KALRN: variants seen among roughly 807,000 people sequenced by gnomAD.
KALRN encodes the protein kalirin RhoGEF kinase, also known as kalirin.
A neutral mutation model predicts 353.7 loss-of-function variants in KALRN; 70 were observed. The observed-to-expected ratio is 0.20, with a 90% CI of 0.16 to 0.24. KALRN has a LOEUF of 0.24. Ranked by LOEUF, KALRN falls within the 10% of genes least tolerant of loss-of-function variation. The pLI, the probability that KALRN is intolerant of heterozygous loss-of-function variation, is 1.00. For synonymous variants in KALRN, 1,391 were observed against 1,434.8 expected (o/e 0.97, Z 0.69); for missense variants, 2,791 against 3,756.7 (o/e 0.74, Z 6.72).
chr3:124,444,821 A>G (rs1648678558), intron 19 of KALRN, among the ~76,000 whole-genome samples: 1 of 151,752 alleles, frequency 6.6e-6, no homozygotes, highest in South Asian at 2.1e-4. Flanking sequence ...AAGAACAAGA[A>G]AAAGAAAGAA....
intron 26 of KALRN, among the ~76,000 whole-genome samples, chr3:124,476,466 T>C (rs986961559): frequency 6.6e-6 from 1 of 152,060 alleles, no homozygotes; most frequent in South Asian, 2.1e-4. Context: ...AAACCTGCTG[T>C]AATAAACACA....
chr3:124,201,941 C>T (rs1032726718), intron 1 of KALRN, among the ~76,000 whole-genome samples: 1 of 152,212 alleles, frequency 6.6e-6, no homozygotes, highest in Non-Finnish European at 1.5e-5. Context: ...ATGCACTCAG[C>T]AGTCTGGGGC....
intron 1 of KALRN, among the ~76,000 whole-genome samples, chr3:124,139,344 A>G (rs1228971155): frequency 6.6e-6 from 1 of 152,202 alleles, no homozygotes; most frequent in Non-Finnish European, 1.5e-5. Flanking sequence ...TTCCACAGAA[A>G]CAGAACAAAA....
At chr3:124,655,269 A>G (rs2083883728) in intron 38 of KALRN, among the ~76,000 whole-genome samples, 1 of 152,216 alleles carries the variant, frequency 6.6e-6, no homozygotes, top group Non-Finnish European at 1.5e-5. Context: ...ATGGTTGTCA[A>G]TCTTTCTGCC....
At chr3:124,251,315 G>C (rs1385610143) in intron 3 of KALRN, among the ~76,000 whole-genome samples, 2 of 150,580 alleles carry the variant, frequency 1.3e-5, no homozygotes, top group Non-Finnish European at 3.0e-5. Context: ...GCTGTGGGAT[G>C]CTCTTTTGAC....
chr3:124,557,581 T>TA (rs1260736399), intron 33 of KALRN, among the ~76,000 whole-genome samples: 2 of 152,188 alleles, frequency 1.3e-5, no homozygotes, highest in East Asian at 3.8e-4. Context: ...GCCAAGTAGA[T>TA]ATGCTCCAGC....
chr3:124,586,530 A>AG (rs2075205540), intron 34 of KALRN, among the ~76,000 whole-genome samples: 1 of 151,948 alleles, frequency 6.6e-6, no homozygotes, highest in Non-Finnish European at 1.5e-5. Context: ...GATGCAGGGG[A>AG]GGGCTGGGGA....
intron 45 of KALRN, among the ~76,000 whole-genome samples, chr3:124,663,279 A>T (rs1421603496): frequency 1.3e-5 from 2 of 152,136 alleles, no homozygotes; most frequent in African/African-American, 4.8e-5. Flanking sequence ...CATCAGTCAT[A>T]TTCTATTAGG....
rs547831549 is a variant in KALRN at position 124,472,492 on chromosome 3, C to T, written c.4032-2171C>T. Among the ~76,000 whole-genome samples the T allele has an allele frequency of 3.3e-5, 5 of 152,094 alleles. No individual in the cohort carries two copies. In the South Asian group the frequency reaches 1.0e-3, roughly 32 times the overall value. The stretch of plus-strand genomic sequence containing the variant: ...ACTGCTTGAGCACAGGAGTTTGAGA[C>T]CAGCCTGGGCAACATGGCAAGACCT... On this transcript the variant is annotated intron_variant, in intron 25 of 59. Transcript: ENST00000682506.
chr3:124,275,754 C>T (rs1003461189), intron 5 of KALRN, among the ~76,000 whole-genome samples: 2 of 152,146 alleles, frequency 1.3e-5, no homozygotes, highest in Admixed American at 6.5e-5. Flanking sequence ...TTTCAATTAT[C>T]CTTAATGGAA....
intron 10 of KALRN, among the ~76,000 whole-genome samples, chr3:124,352,576 G>A (rs968794960): frequency 6.6e-6 from 1 of 152,032 alleles, no homozygotes; most frequent in Non-Finnish European, 1.5e-5. Context: ...ACAATTTAAA[G>A]AAAGACTTAA....
chr3:124,589,950 C>T (rs1043513134), intron 34 of KALRN, among the ~76,000 whole-genome samples: 3 of 152,182 alleles, frequency 2.0e-5, no homozygotes, highest in African/African-American at 7.2e-5. Context: ...CTACTGTATG[C>T]TTTTGCGATA....
rs906211241 is a variant in KALRN, at chr3:124,183,965, G to T, written c.74-44025G>T. Among the ~76,000 whole-genome samples, 5 of 152,206 alleles carry T rather than the reference G, an allele frequency of 3.3e-5. No homozygotes were observed. In the East Asian group the frequency reaches 9.6e-4, roughly 29 times the overall value. On this transcript the variant is annotated intron_variant, in intron 1 of 59. Transcript: ENST00000682506. ...AACAAATCAGAATGTAGTAATGAAT[G>T]CCATAATCACCATACATATGGTGCT...
At position 124,179,485 on chromosome 3, in the gene KALRN, A is replaced by G. The variant is rs180969714; in HGVS notation, c.74-48505A>G. ...AATACTTCCTGAAAGACCTGCTTAG[A>G]CTGTTTTACAGTTAACTTTTTAAAC... On this transcript the variant is annotated intron_variant, in intron 1 of 59. Coordinates refer to ENST00000682506, the MANE Select transcript of KALRN (RefSeq NM_001388419.1). Among the ~76,000 whole-genome samples the G allele has an allele frequency of 9.1e-4, 138 of 152,332 alleles. 1 individual carries two copies. The highest frequency in any genetic ancestry group is 6.8e-3 in the Middle Eastern group (2 of 294).
intron 51 of KALRN, 37 bp downstream of exon 51, chr3:124,679,554 A>G: frequency 3.2e-6 from 5 of 1,558,672 alleles, no homozygotes; most frequent in Non-Finnish European, 3.5e-6. Context: ...TCCTACAATG[A>G]TTGCCTTTTT....
chr3:124,047,670 T>TA (rs1315892018), intron 1 of KALRN, among the ~76,000 whole-genome samples: 3 of 104,320 alleles, frequency 2.9e-5, no homozygotes, highest in African/African-American at 6.5e-5. Context: ...TTTTTTTTTA[T>TA]TTTTTTTTAT....
At chr3:124,442,806 G>A (rs1024925668) in intron 19 of KALRN, among the ~76,000 whole-genome samples, 8 of 152,178 alleles carry the variant, frequency 5.3e-5, no homozygotes, top group African/African-American at 1.9e-4. Flanking sequence ...GCAACATATT[G>A]AGACCCCATC....
chr3:124,117,055 C>T (rs942408577), intron 1 of KALRN, among the ~76,000 whole-genome samples: 20 of 152,218 alleles, frequency 1.3e-4, no homozygotes, highest in African/African-American at 4.8e-4. Context: ...TTAACATCTG[C>T]TCACCACCAA....
intron 1 of KALRN, among the ~76,000 whole-genome samples, chr3:124,128,199 C>A (rs1408769564): frequency 6.6e-6 from 1 of 152,120 alleles, no homozygotes; most frequent in Non-Finnish European, 1.5e-5. Context: ...TAACTTTTCT[C>A]AAGTTATTAA....
Sources: allele counts gnomAD v4.1 joint callset (sites outside exome capture counted in the v4.1 genomes callset), GRCh38; gene constraint gnomAD v4.1.1; transcripts MANE v1.5; gene names NCBI Gene and HGNC (gene_info 2026-07-23, HGNC 2026-07-21).